FARP1: variants seen among roughly 807,000 people sequenced by gnomAD.
FARP1 encodes FERM, ARHGEF and pleckstrin domain-containing protein 1.
FARP1 carries 52 observed loss-of-function variants against 128.8 expected under a neutral mutation model. The ratio of observed to expected loss-of-function variants is 0.40; its 90% CI spans 0.32 to 0.51. The LOEUF is 0.51. Ranked by LOEUF, FARP1 falls within the 20% of genes least tolerant of loss-of-function variation. The probability of loss-of-function intolerance (pLI) is 0.45; values close to 1 mark genes in which losing one functional copy is unlikely to be tolerated. For missense variants in FARP1, 1,333 were observed against 1,367.9 expected, an observed-to-expected ratio of 0.97 and a Z score of 0.40; for synonymous variants, 580 against 551.8, an observed-to-expected ratio of 1.05 and a Z score of -0.72.
chr13:98,302,531 T>C (rs1258623702), intron 2 of FARP1, among the ~76,000 whole-genome samples: 1 of 152,172 alleles, frequency 6.6e-6, no homozygotes, highest in Non-Finnish European at 1.5e-5. Flanking sequence ...TGCAGCCCTC[T>C]CTCCTAGCAC....
chr13:98,423,672 C>A (rs1407690587), intron 16 of FARP1, among the ~76,000 whole-genome samples: 1 of 152,108 alleles, frequency 6.6e-6, no homozygotes, highest in African/African-American at 2.4e-5. Flanking sequence ...CAGAGAAGTT[C>A]GTGGTTTCTT....
At chr13:98,388,316 A>G (rs1166976028) in intron 8 of FARP1, 67 bp from the exon 9 acceptor site, 1 of 1,274,572 alleles carries the variant, frequency 7.8e-7, no homozygotes, top group Non-Finnish European at 1.1e-6. Flanking sequence ...CCCATAAGCA[A>G]AACAGACCAA....
chr13:98,377,995 C>A, intron 6 of FARP1, 77 bp downstream of exon 6: 2 of 1,101,422 alleles, frequency 1.8e-6, no homozygotes, highest in Non-Finnish European at 1.4e-6. Context: ...AAAATCACAT[C>A]CACCAAAAAA....
chr13:98,365,251 T>C (rs1018280603), intron 3 of FARP1, 144 bp from the exon 4 acceptor site: 7 of 609,062 alleles, frequency 1.1e-5, no homozygotes, highest in African/African-American at 7.3e-5. Context: ...CAACGTAAGA[T>C]ACGGCATTCT....
In FARP1 at chr13:98,318,940, GT is replaced by G. The variant is rs1886864059; in HGVS notation, c.172-24816del. Among the ~76,000 whole-genome samples, 8 of 126,940 alleles carry G rather than the reference GT, an allele frequency of 6.3e-5. 1 individual carries two copies. In the South Asian group the frequency reaches 2.2e-3, roughly 35 times the overall value. The allele number at this position is 126,940 out of a possible 152,430, so 83.3% of individuals were successfully genotyped here. A position where few individuals can be genotyped will look rare whatever the true frequency, so the allele number is the denominator to read the frequency against. On this transcript the variant is annotated intron_variant, in intron 2 of 26. Transcript: ENST00000319562. The stretch of plus-strand genomic sequence containing the variant: ...TACCTGTTGCTTCCTTTGGAGCTTA[GT>G]TTTTTCTTGTTTTTTTTTTTTTTTT...
intron 16 of FARP1, among the ~76,000 whole-genome samples, 177 bp downstream of exon 16, chr13:98,412,211 T>G (rs1393231762): frequency 7.9e-5 from 12 of 152,248 alleles, no homozygotes; most frequent in Admixed American, 4.6e-4. Flanking sequence ...AGATCTCATT[T>G]GCAGTTTCTT....
At chr13:98,246,759 G>A (rs528753359) in intron 2 of FARP1, among the ~76,000 whole-genome samples, 3 of 152,286 alleles carry the variant, frequency 2.0e-5, no homozygotes, top group Admixed American at 6.5e-5. Context: ...CACACAGCAC[G>A]TTAGTGAACA....
intron 2 of FARP1, among the ~76,000 whole-genome samples, chr13:98,336,736 A>G (rs958853029): frequency 5.9e-5 from 9 of 152,226 alleles, no homozygotes; most frequent in Non-Finnish European, 8.8e-5. Flanking sequence ...ATAGGCTCCA[A>G]TGAAAAGCCA....
chr13:98,371,192 C>T (rs1340225834), intron 5 of FARP1, among the ~76,000 whole-genome samples: 2 of 150,440 alleles, frequency 1.3e-5, no homozygotes, highest in Non-Finnish European at 1.5e-5. Flanking sequence ...AGGCACAAAT[C>T]CTGTATCCCC....
chr13:98,145,330 T>C (rs74839529), intron 1 of FARP1, among the ~76,000 whole-genome samples: 4,931 of 152,284 alleles, frequency 0.032, 266 homozygotes, highest in African/African-American at 0.11. Flanking sequence ...TGGGAATCCT[T>C]TTGAAGCGTG....
At chr13:98,260,653 T>C (rs1175739383) in intron 2 of FARP1, among the ~76,000 whole-genome samples, 1 of 152,112 alleles carries the variant, frequency 6.6e-6, no homozygotes, top group Non-Finnish European at 1.5e-5. Context: ...TTTGGTCCCC[T>C]GTTTTTAGAG....
rs1256523267 is a variant in FARP1, at chr13:98,389,985, T to A, written c.884T>A (p.Leu295Gln). The change falls in exon 10 of 27, where the codon CTG becomes CAG. Residue 295 changes from leucine (L) to glutamine (Q), a missense_variant. By Grantham distance (113) the Leu-to-Gln change is moderately radical. Transcript: ENST00000319562. ...NSAYQDTLEF[L>Q]MASRDFCKSF... ...GCGTACCAGGATACCTTGGAATTCC[T>A]GATGGCCAGTCGGGATTTCTGCAAG... 6.2e-7 allele frequency: 1 copy of A among 1,614,234 alleles called. No homozygotes were observed. Among genetic ancestry groups the A allele is most frequent in the Non-Finnish European group, 8.5e-7 (1 of 1,180,042 alleles).
intron 1 of FARP1, among the ~76,000 whole-genome samples, chr13:98,152,452 G>A (rs1314967663): frequency 6.6e-6 from 1 of 152,126 alleles, no homozygotes; most frequent in African/African-American, 2.4e-5. Context: ...TGTGATGCCT[G>A]GAATCACAGC....
intron 2 of FARP1, among the ~76,000 whole-genome samples, chr13:98,270,599 A>C (rs1465026993): frequency 6.6e-6 from 1 of 152,198 alleles, no homozygotes; most frequent in East Asian, 1.9e-4. Flanking sequence ...CTCTGTGTGC[A>C]GGAAACCGAT....
chr13:98,153,406 A>C (rs1485707259), intron 1 of FARP1, among the ~76,000 whole-genome samples: 1 of 85,630 alleles, frequency 1.2e-5, no homozygotes, highest in African/African-American at 3.0e-5. Context: ...CATTATATAT[A>C]AATATGTATA....
chr13:98,422,033 C>T (rs575277272), intron 16 of FARP1, among the ~76,000 whole-genome samples: 14 of 152,120 alleles, frequency 9.2e-5, no homozygotes, highest in African/African-American at 2.7e-4. Context: ...CATCATGAAC[C>T]GAAACCACGG....
At chr13:98,166,754 G>C (rs285091) in intron 1 of FARP1, among the ~76,000 whole-genome samples, 14,885 of 147,028 alleles carry the variant, frequency 0.1, 2,451 homozygotes, top group African/African-American at 0.35. Context: ...ACAGGGTCTC[G>C]TTCTGTCACT....
chr13:98,165,214 C>CAAAAAA (rs34285712), intron 1 of FARP1, among the ~76,000 whole-genome samples: 4 of 84,728 alleles, frequency 4.7e-5, no homozygotes, highest in South Asian at 5.8e-4. Context: ...GACTCTGTCT[C>CAAAAAA]AAAAAAAAAA....
intron 2 of FARP1, chr13:98,333,480 A>ACACACACAC (rs1555338445): frequency 1.8e-5 from 2 of 108,338 alleles, no homozygotes; most frequent in Non-Finnish European, 4.2e-5. Context: ...CACACACACA[A>ACACACACAC]AATCTATCTT....
Sources: gnomAD v4.1 joint callset for allele counts (sites outside exome capture counted in the v4.1 genomes callset) on GRCh38, gnomAD v4.1.1 for gene constraint, MANE v1.5 for transcripts, NCBI Gene and HGNC (gene_info 2026-07-23, HGNC 2026-07-21) for gene names.